Variants in DNAH12 observed in about 807,000 individuals in gnomAD.
DNAH12 encodes the protein dynein axonemal heavy chain 12.
Under a neutral mutation model 371.5 loss-of-function variants are expected in DNAH12, and 285 were observed. The ratio of observed to expected loss-of-function variants is 0.77; its 90% CI spans 0.70 to 0.85. The LOEUF (loss-of-function observed/expected upper bound fraction) is 0.85. Among genes scored for constraint, DNAH12 ranks in the 40% least tolerant of loss-of-function variants. The pLI, the probability that DNAH12 is intolerant of heterozygous loss-of-function variation, is 0.00. For missense variants in DNAH12, 3,611 were observed against 3,689.4 expected, an observed-to-expected ratio of 0.98 and a Z score of 0.55; for synonymous variants, 1,200 against 1,213.0, an observed-to-expected ratio of 0.99 and a Z score of 0.22.
At chr3:57,326,357 G>T (rs1190458155) in intron 62 of DNAH12, among the ~76,000 whole-genome samples, 5 of 152,126 alleles carry the variant, frequency 3.3e-5, no homozygotes, top group Non-Finnish European at 5.9e-5. Flanking sequence ...TAACAGCTGA[G>T]CTCTCGGCAG....
At chr3:57,488,534 G>C (rs541695823) in intron 12 of DNAH12, among the ~76,000 whole-genome samples, 1 of 152,204 alleles carries the variant, frequency 6.6e-6, no homozygotes, top group Admixed American at 6.5e-5. Context: ...GAAAACTGAG[G>C]CTCAGGAAAA....
Position 57,402,126 on chromosome 3 carries a change from G to C in DNAH12, c.6948+1183C>G, listed in dbSNP as rs929719928. On this transcript the variant is annotated intron_variant, in intron 43 of 73. Coordinates refer to ENST00000495027, the MANE Select transcript of DNAH12 (RefSeq NM_001366028.2). The stretch of plus-strand genomic sequence containing the variant: ...TTCCTCTAAAGTGTAAGCAGAAAAA[G>C]AAACAATGTAAGTGTAATTTTCCTT... Among the ~76,000 whole-genome samples, 7 of 151,868 alleles carry C rather than the reference G, an allele frequency of 4.6e-5. No individual in the cohort carries two copies. The East Asian group carries it at 1.2e-3, about 25-fold the overall frequency.
intron 69 of DNAH12, among the ~76,000 whole-genome samples, chr3:57,302,529 G>GTTTATATATATATATATATATATATA (rs879293648): frequency 6.3e-5 from 3 of 47,856 alleles, no homozygotes; most frequent in African/African-American, 8.5e-5. Flanking sequence ...GGCATCAGGT[G>GTTTATATATATATATATATATATATA]TATATATATA....
intron 25 of DNAH12, among the ~76,000 whole-genome samples, chr3:57,448,534 G>A (rs958376999): frequency 6.0e-5 from 7 of 116,554 alleles, no homozygotes; most frequent in East Asian, 2.4e-4. Flanking sequence ...ACAGCTCAGT[G>A]GACCCAGAGT....
intron 34 of DNAH12, among the ~76,000 whole-genome samples, chr3:57,427,951 C>T (rs1293222541): frequency 2.0e-5 from 3 of 151,210 alleles, no homozygotes; most frequent in African/African-American, 4.9e-5. Flanking sequence ...TTTTCTGAGA[C>T]GGAGTCTTGC....
At chr3:57,397,556 G>A (rs2063770705) in intron 43 of DNAH12, among the ~76,000 whole-genome samples, 1 of 152,170 alleles carries the variant, frequency 6.6e-6, no homozygotes, top group Non-Finnish European at 1.5e-5. Flanking sequence ...CTGAAACATA[G>A]GTGAGTTCCC....
In DNAH12 at chr3:57,356,432, G is replaced by A. The variant is rs1030813538; in HGVS notation, c.9533+744C>T. Among the ~76,000 whole-genome samples, 10 of 118,856 alleles carry A rather than the reference G, an allele frequency of 8.4e-5. 1 individual carries two copies. In the South Asian group the frequency reaches 2.6e-3, roughly 31 times the overall value. 78.0% of individuals were successfully genotyped at this position (118,856 alleles called of 152,430 possible). A position where few individuals can be genotyped will look rare whatever the true frequency, so the allele number is the denominator to read the frequency against. ...CACTCTAGCCTGGGTGACAGAGTGA[G>A]ACCTTGTCTCAAAAATAAATAAATA... On this transcript the variant is annotated intron_variant, in intron 59 of 73. Coordinates refer to ENST00000495027, the MANE Select transcript of DNAH12 (RefSeq NM_001366028.2).
chr3:57,348,925 C>G (rs1553659114), intron 60 of DNAH12, among the ~76,000 whole-genome samples: 1 of 152,102 alleles, frequency 6.6e-6, no homozygotes, highest in East Asian at 1.9e-4. Context: ...AAGAAAGACA[C>G]TCTTGTGTAA....
chr3:57,329,477 A>C (rs10433623), intron 62 of DNAH12, among the ~76,000 whole-genome samples: 17,335 of 118,110 alleles, frequency 0.15, 1,145 homozygotes, highest in East Asian at 0.3. Context: ...TTCCCTATTT[A>C]ATAAATGGTG....
Position 57,413,860 on chromosome 3 carries a change from G to T in DNAH12, c.5906C>A (p.Pro1969His), listed in dbSNP as rs374584280. 7 of 1,551,018 alleles carry T rather than the reference G, an allele frequency of 4.5e-6. No individual in the cohort carries two copies. The highest frequency in any genetic ancestry group is 8.7e-7 in the Non-Finnish European group (1 of 1,146,704). The part of the protein sequence containing the change: ...DKRRKGVFGP[P>H]MGKKCIIFID... ...AAAAATTATACACTTCTTTCCCATA[G>T]GTGGTCCAAAGACTCCTTTGCGTCT... The change falls in exon 39 of 74, where the codon CCT (proline) becomes CAT (histidine). Residue 1969 changes from proline (P) to histidine (H), a missense_variant. Pro to His is a moderately conservative substitution (Grantham distance 77, BLOSUM62 -2). Transcript: ENST00000495027.
At position 57,408,358 on chromosome 3, in the gene DNAH12, T is replaced by C. The variant is rs2064100986; in HGVS notation, c.6198A>G (p.Val2066=). The change falls in exon 40 of 74, where the codon GTA becomes GTG. Residue 2066 remains valine (V), a synonymous_variant. Transcript: ENST00000495027. ...ETMVRIFSSI[V]AFYLRTHEFP... is the part of the protein sequence containing the mutation. ...ATTCATGAGTTCTAAGGTAGAATGC[T>C]ACAATAGATGAGAAGATTCGGACCA... is the stretch of plus-strand genomic sequence containing the variant. 2 of 1,551,628 alleles carry C rather than the reference T, an allele frequency of 1.3e-6. No homozygotes were observed. Among genetic ancestry groups the C allele is most frequent in the Non-Finnish European group, 8.7e-7 (1 of 1,146,924 alleles).
chr3:57,424,952 C>G (rs1236137378), intron 35 of DNAH12, 70 bp downstream of exon 35: 5 of 641,940 alleles, frequency 7.8e-6, no homozygotes, highest in Non-Finnish European at 1.4e-5. Context: ...ATGTCTTTCT[C>G]AATATAAACA....
At chr3:57,536,787 A>C (rs1275355392) in intron 2 of DNAH12, among the ~76,000 whole-genome samples, 1 of 152,214 alleles carries the variant, frequency 6.6e-6, no homozygotes, top group Non-Finnish European at 1.5e-5. Context: ...TTCTTTATAT[A>C]TGAATGCCAC....
intron 69 of DNAH12, among the ~76,000 whole-genome samples, chr3:57,307,155 T>C (rs2061489416): frequency 6.6e-6 from 1 of 152,196 alleles, no homozygotes; most frequent in Non-Finnish European, 1.5e-5. Context: ...CTGCCGATCG[T>C]GTCCGACTGA....
At chr3:57,350,966 C>G (rs1418243103) in intron 60 of DNAH12, among the ~76,000 whole-genome samples, 1 of 151,966 alleles carries the variant, frequency 6.6e-6, no homozygotes, top group Non-Finnish European at 1.5e-5. Context: ...ATTTTTTTAA[C>G]AACAATATAA....
chr3:57,518,277 C>T (rs2068274764), intron 4 of DNAH12, among the ~76,000 whole-genome samples: 1 of 152,170 alleles, frequency 6.6e-6, no homozygotes, highest in Non-Finnish European at 1.5e-5. Context: ...GTAACCCCAG[C>T]ACTTTGGGAA....
chr3:57,460,642 A>G (rs555274647), intron 19 of DNAH12, among the ~76,000 whole-genome samples: 1 of 152,214 alleles, frequency 6.6e-6, no homozygotes, highest in Non-Finnish European at 1.5e-5. Context: ...GTCCAGCCTT[A>G]TGTCCTCTTG....
intron 60 of DNAH12, among the ~76,000 whole-genome samples, chr3:57,347,872 G>T (rs1019942166): frequency 1.3e-5 from 2 of 152,034 alleles, no homozygotes; most frequent in Non-Finnish European, 2.9e-5. Context: ...TATTAAAATG[G>T]CCACTTTCCA....
At chr3:57,354,581 C>T (rs2062756062) in intron 59 of DNAH12, among the ~76,000 whole-genome samples, 1 of 141,410 alleles carries the variant, frequency 7.1e-6, no homozygotes, top group East Asian at 2.0e-4. Flanking sequence ...TCTAAACAAA[C>T]AGCTGCTACA....
Sources: allele counts gnomAD v4.1 joint callset (sites outside exome capture counted in the v4.1 genomes callset), GRCh38; gene constraint gnomAD v4.1.1; transcripts MANE v1.5; gene names NCBI Gene and HGNC (gene_info 2026-07-23, HGNC 2026-07-21).